Variants in TAFA1 observed in about 807,000 individuals in gnomAD.
TAFA1 encodes TAFA chemokine like family member 1.
A neutral mutation model predicts 18.5 loss-of-function variants in TAFA1; 4 were observed. That is an observed-to-expected ratio of 0.22 (90% CI 0.11 to 0.49). TAFA1 has a LOEUF of 0.49. Among genes scored for constraint, TAFA1 ranks in the 20% least tolerant of loss-of-function variants. The probability of loss-of-function intolerance (pLI) is 0.98; values close to 1 mark genes in which losing one functional copy is unlikely to be tolerated. For missense variants in TAFA1, 147 were observed against 169.0 expected (o/e 0.87, Z 0.72); for synonymous variants, 56 against 55.2 (o/e 1.01, Z -0.06).
chr3:68,481,316 T>C (rs1179663066), intron 3 of TAFA1, among the ~76,000 whole-genome samples: 1 of 152,188 alleles, frequency 6.6e-6, no homozygotes, highest in Non-Finnish European at 1.5e-5. Context: ...ACTATGACAA[T>C]GGATTGGGGG....
In TAFA1 at chr3:68,453,230, AT is replaced by A. The variant is rs1252721117; in HGVS notation, c.259+35812del. ...AACCCTCTGTCTTGACAAGAGAGCC[AT>A]TGCAGACTCCTTTCACCCTTGTTTA... is the stretch of plus-strand genomic sequence containing the variant. On this transcript the variant is annotated intron_variant, in intron 3 of 4. Transcript: ENST00000478136. Among the ~76,000 whole-genome samples, 65 of 152,318 alleles carry A rather than the reference AT, an allele frequency of 4.3e-4. 1 individual carries two copies. Among genetic ancestry groups the A allele is most frequent in the African/African-American group, 1.5e-3 (62 of 41,576 alleles).
At chr3:68,374,962 C>T (rs1214108336) in intron 2 of TAFA1, among the ~76,000 whole-genome samples, 1 of 152,068 alleles carries the variant, frequency 6.6e-6, no homozygotes, top group Non-Finnish European at 1.5e-5. Flanking sequence ...TGTCTCCAAC[C>T]ACCTTTCTCT....
At chr3:68,135,922 G>A (rs905357309) in intron 2 of TAFA1, among the ~76,000 whole-genome samples, 1 of 152,092 alleles carries the variant, frequency 6.6e-6, no homozygotes, top group East Asian at 1.9e-4. Flanking sequence ...TAAAACCGGG[G>A]AAATTTTGCT....
chr3:68,512,918 A>G lies in TAFA1; in HGVS notation c.260-25838A>G, dbSNP rs112582151. 1.0e-3 allele frequency among the ~76,000 whole-genome samples: 154 copies of G among 152,218 alleles called. 2 individuals are homozygous for G. The highest frequency in any genetic ancestry group is 9.8e-3 in the East Asian group (51 of 5,180). On this transcript the variant is annotated intron_variant, in intron 3 of 4. Coordinates refer to ENST00000478136, the MANE Select transcript of TAFA1 (RefSeq NM_213609.4). ...GAACTTTGTCCATCTCCACCTTTGT[A>G]CATTTTTCAAAGCACCAGTGTTCTC...
chr3:68,440,046 C>G (rs1445117271), intron 3 of TAFA1, among the ~76,000 whole-genome samples: 1 of 151,900 alleles, frequency 6.6e-6, no homozygotes, highest in East Asian at 1.9e-4. Flanking sequence ...TGTGTCCCCC[C>G]CCTCCAAATC....
chr3:68,320,538 C>T (rs1222911913), intron 2 of TAFA1, among the ~76,000 whole-genome samples: 1 of 152,142 alleles, frequency 6.6e-6, no homozygotes, highest in Non-Finnish European at 1.5e-5. Flanking sequence ...GTTCCCGATC[C>T]TGGCAGAAAG....
intron 2 of TAFA1, among the ~76,000 whole-genome samples, chr3:68,265,223 T>G (rs2067520240): frequency 1.3e-5 from 2 of 152,202 alleles, no homozygotes; most frequent in African/African-American, 4.8e-5. Context: ...TGATCTCCTG[T>G]TTAATTTCCC....
the TAFA1 span, among the ~76,000 whole-genome samples, chr3:67,994,723 C>T: frequency 6.6e-6 from 1 of 152,112 alleles, no homozygotes; most frequent in Non-Finnish European, 1.5e-5. Context: ...TTTTATACAA[C>T]TCTGGATGAA....
At chr3:68,510,408 A>G (rs986563432) in intron 3 of TAFA1, among the ~76,000 whole-genome samples, 1 of 152,078 alleles carries the variant, frequency 6.6e-6, no homozygotes, top group Admixed American at 6.6e-5. Context: ...TTCAGGCCCA[A>G]TCATACCATC....
At chr3:68,333,173 A>T (rs916524865) in intron 2 of TAFA1, among the ~76,000 whole-genome samples, 1 of 152,212 alleles carries the variant, frequency 6.6e-6, no homozygotes, top group South Asian at 2.1e-4. Flanking sequence ...AAGGAATATA[A>T]ATCATTCTGT....
At chr3:68,347,873 C>T (rs2069191506) in intron 2 of TAFA1, among the ~76,000 whole-genome samples, 1 of 152,234 alleles carries the variant, frequency 6.6e-6, no homozygotes, top group East Asian at 1.9e-4. Flanking sequence ...CCATTTTTCT[C>T]CTATTGGGTC....
intron 3 of TAFA1, among the ~76,000 whole-genome samples, chr3:68,505,803 C>G (rs920084133): frequency 1.1e-4 from 16 of 152,056 alleles, no homozygotes; most frequent in Admixed American, 1.0e-3. Context: ...AAGAAAATCT[C>G]TTTAGTCTAC....
rs140221130 is a variant in TAFA1 at position 68,223,655 on chromosome 3, C to T, written c.119-193625C>T. On this transcript the variant is annotated intron_variant, in intron 2 of 4. Coordinates refer to ENST00000478136, the MANE Select transcript of TAFA1 (RefSeq NM_213609.4). Reference sequence around the variant, plus strand: ...CCCTCCAAGCCTTGGAAGTCAAACACTTAGCAACTCAAGGGATTATTCCCC... The same window carrying T: ...CCCTCCAAGCCTTGGAAGTCAAACATTTAGCAACTCAAGGGATTATTCCCC... Among the ~76,000 whole-genome samples the T allele has an allele frequency of 3.3e-3, 495 of 152,102 alleles. 3 individuals are homozygous for T. The highest frequency in any genetic ancestry group is 0.011 in the African/African-American group (463 of 41,482).
At position 68,184,851 on chromosome 3, in the gene TAFA1, T is replaced by C. The variant is rs559849000; in HGVS notation, c.118+178107T>C. On this transcript the variant is annotated intron_variant, in intron 2 of 4. Transcript: ENST00000478136. ...TAAAAATGTTCACTCTTCAACCCAATGTGATGAAGCAGATTCCTATGGGCT... is the reference window on the plus strand; with the variant it reads ...TAAAAATGTTCACTCTTCAACCCAACGTGATGAAGCAGATTCCTATGGGCT... 1.1e-3 allele frequency among the ~76,000 whole-genome samples: 175 copies of C among 152,226 alleles called. 1 individual carries two copies. Among genetic ancestry groups the C allele is most frequent in the Non-Finnish European group, 1.5e-3 (104 of 67,996 alleles).
At chr3:68,408,842 T>C (rs1575841484) in intron 2 of TAFA1, among the ~76,000 whole-genome samples, 1 of 152,030 alleles carries the variant, frequency 6.6e-6, no homozygotes, top group Admixed American at 6.6e-5. Flanking sequence ...AGAGAACATA[T>C]AATGGGGGTC....
chr3:68,064,085 A>G (rs2106732270), intron 2 of TAFA1, among the ~76,000 whole-genome samples: 1 of 152,336 alleles, frequency 6.6e-6, no homozygotes, highest in South Asian at 2.1e-4. Context: ...CTTAAAGAAA[A>G]ATAAATTCAA....
chr3:68,134,849 T>C (rs757736167), intron 2 of TAFA1, among the ~76,000 whole-genome samples: 141 of 152,334 alleles, frequency 9.3e-4, no homozygotes, highest in Non-Finnish European at 1.5e-3. Context: ...TCAAACAATA[T>C]GTAAGTTTCT....
chr3:68,311,693 A>G (rs1034071893), intron 2 of TAFA1, among the ~76,000 whole-genome samples: 1 of 152,232 alleles, frequency 6.6e-6, no homozygotes, highest in Non-Finnish European at 1.5e-5. Flanking sequence ...TTCACAGAAT[A>G]CAGCCTCCCT....
At chr3:68,383,251 C>G (rs1004832831) in intron 2 of TAFA1, among the ~76,000 whole-genome samples, 2 of 125,838 alleles carry the variant, frequency 1.6e-5, no homozygotes, top group Non-Finnish European at 3.3e-5. Context: ...AGAGGGTATC[C>G]TTGTCTTTTG....
Sources: allele counts gnomAD v4.1 joint callset (sites outside exome capture counted in the v4.1 genomes callset), GRCh38; gene constraint gnomAD v4.1.1; transcripts MANE v1.5; gene names NCBI Gene and HGNC (gene_info 2026-07-23, HGNC 2026-07-21).